Variants in DNAAF1 observed in about 807,000 individuals in gnomAD.
DNAAF1 encodes the protein dynein assembly factor 1, axonemal.
DNAAF1 carries 65 observed loss-of-function variants against 71.1 expected under a neutral mutation model. The observed-to-expected ratio is 0.91, with a 90% confidence interval of 0.75 to 1.12. The LOEUF is 1.12. Ranked by LOEUF, DNAAF1 falls within the 50% of genes most tolerant of loss-of-function variation. The pLI, the probability that DNAAF1 is intolerant of heterozygous loss-of-function variation, is 0.00. For synonymous variants in DNAAF1, 414 were observed against 354.6 expected, an observed-to-expected ratio of 1.17 and a Z score of -1.88; for missense variants, 1,178 against 899.8, an observed-to-expected ratio of 1.31 and a Z score of -3.96.
rs577245767 is a variant in DNAAF1 at position 84,156,562 on chromosome 16, C to A, written c.741+813C>A. On this transcript the variant is annotated intron_variant, in intron 5 of 11. Coordinates refer to ENST00000378553, the MANE Select transcript of DNAAF1 (RefSeq NM_178452.6). ...TTCAGATATTGTCAGCCTGGTCTAG[C>A]CATTATGAAGTTCCCCGTCAGTCCT... Among the ~76,000 whole-genome samples the A allele has an allele frequency of 3.3e-5, 5 of 152,180 alleles. No individual in the cohort carries two copies. In the South Asian group the frequency reaches 1.0e-3, roughly 32 times the overall value.
At chr16:84,157,854 T>C (rs2087513370) in intron 5 of DNAAF1, among the ~76,000 whole-genome samples, 1 of 152,182 alleles carries the variant, frequency 6.6e-6, no homozygotes, top group African/African-American at 2.4e-5. Context: ...TCCCCCCGTT[T>C]GTTCGTTTTT....
At chr16:84,149,610 G>C (rs1193900279) in intron 2 of DNAAF1, among the ~76,000 whole-genome samples, 1 of 147,232 alleles carries the variant, frequency 6.8e-6, no homozygotes, top group African/African-American at 2.5e-5. Context: ...AGGATCGCTT[G>C]AACCCGGGAG....
Position 84,169,868 on chromosome 16 carries a change from C to G in DNAAF1, c.1040C>G (p.Thr347Arg), listed in dbSNP as rs771177373. Reference sequence around the variant, plus strand: ...CATTTTCTGCCATTAGGGGAGATGACATCTTCAGATGATGGTGAGAATGTG... The same window carrying G: ...CATTTTCTGCCATTAGGGGAGATGAGATCTTCAGATGATGGTGAGAATGTG... ...QRESQERGEMTSSDDGENVPA... is the reference protein window; with the variant it reads ...QRESQERGEMRSSDDGENVPA... Residue 347 changes from threonine to arginine, a missense_variant, in exon 8 of 12, where the codon ACA (threonine) becomes AGA (arginine). Thr to Arg is a moderately conservative substitution (Grantham distance 71). Transcript: ENST00000378553. 2.0e-5 allele frequency: 32 copies of G among 1,613,704 alleles called. No individual in the cohort carries two copies. The South Asian group carries it at 3.0e-4, about 15-fold the overall frequency.
At chr16:84,154,894 G>GTT in intron 4 of DNAAF1, 96 bp downstream of exon 4, 1 of 1,115,252 alleles carries the variant, frequency 9.0e-7, no homozygotes, top group South Asian at 1.3e-5. Context: ...GCAAGAAGTG[G>GTT]TGTTTTTTTT....
chr16:84,172,320 G>C lies in DNAAF1; in HGVS notation c.1589G>C (p.Arg530Thr), dbSNP rs1415853219. 1.2e-6 allele frequency: 2 copies of C among 1,614,132 alleles called. No individual in the cohort carries two copies. Among genetic ancestry groups the C allele is most frequent in the African/African-American group, 1.3e-5 (1 of 74,946 alleles). The change falls in exon 9 of 12, where the codon AGA becomes ACA. Residue 530 changes from arginine to threonine, a missense_variant. Transcript: ENST00000378553. ...GVFVTELDGT[R>T]TEDLETIRLE... is the part of the protein sequence containing the mutation. ...TTCGTTACAGAACTTGATGGAACGA[G>C]AACGGAAGATTTAGAAACCATTAGA... is the stretch of plus-strand genomic sequence containing the variant.
intron 9 of DNAAF1, chr16:84,173,942 A>T (rs1203230521): frequency 6.5e-6 from 1 of 153,750 alleles, no homozygotes; most frequent in Non-Finnish European, 1.4e-5. Context: ...CAACACTAAT[A>T]GCTAATGTTA....
intron 5 of DNAAF1, among the ~76,000 whole-genome samples, chr16:84,157,989 C>G (rs1032219209): frequency 6.6e-6 from 1 of 152,086 alleles, no homozygotes; most frequent in African/African-American, 2.4e-5. Flanking sequence ...GGGCAGATCA[C>G]GAGGTCGGGA....
intron 10 of DNAAF1, chr16:84,175,577 GGC>G: frequency 3.2e-6 from 1 of 310,456 alleles, no homozygotes; most frequent in Non-Finnish European, 6.2e-6. Context: ...TACTGTGGGG[GGC>G]CTGCTGTCCA....
At chr16:84,163,236 TAATTTTTGAGGAGACACC>T (rs2151244862) in intron 6 of DNAAF1, among the ~76,000 whole-genome samples, 1 of 152,274 alleles carries the variant, frequency 6.6e-6, no homozygotes, top group Admixed American at 6.5e-5. Context: ...ACTTTACATT[TAATTTTTGAGGAGACACC>T]ACATGGTTTT....
intron 3 of DNAAF1, among the ~76,000 whole-genome samples, chr16:84,150,852 G>A (rs1216999104): frequency 6.6e-6 from 1 of 152,106 alleles, no homozygotes. Context: ...GAACCCAGTC[G>A]ATCCAGCTGC....
chr16:84,145,687 G>A, intron 1 of DNAAF1, 123 bp downstream of exon 1: 1 of 1,258,820 alleles, frequency 7.9e-7, no homozygotes, highest in Non-Finnish European at 1.1e-6. Flanking sequence ...AATAATGGTA[G>A]CAAGCAACGC....
At chr16:84,174,197 C>T (rs548874523) in intron 9 of DNAAF1, 4 of 1,009,564 alleles carry the variant, frequency 4.0e-6, no homozygotes, top group Admixed American at 5.3e-5. Flanking sequence ...TGCTGCCTCC[C>T]CAACCACGCA....
At chr16:84,150,396 C>T (rs554308051) in intron 3 of DNAAF1, 54 bp downstream of exon 3, 6 of 1,413,568 alleles carry the variant, frequency 4.2e-6, no homozygotes, top group South Asian at 2.3e-5. Flanking sequence ...TTCTGTCTAG[C>T]GGTATAAAAA....
At position 84,148,582 on chromosome 16, in the gene DNAAF1, T is replaced by TTC. The variant is rs1287215005; in HGVS notation, c.125-411_125-410dup. Reference sequence around the variant, plus strand: ...ATTGTTACACATTTAAAGATTACTGTTCTCTCTCTCTCTCTTTTTTTTTTT... The same window carrying TTC: ...ATTGTTACACATTTAAAGATTACTGTTCTCTCTCTCTCTCTCTTTTTTTTTTT... On this transcript the variant is annotated intron_variant, in intron 1 of 11. Coordinates refer to ENST00000378553, the MANE Select transcript of DNAAF1 (RefSeq NM_178452.6). Among the ~76,000 whole-genome samples the TTC allele has an allele frequency of 4.3e-3, 504 of 117,322 alleles. 4 individuals are homozygous for TTC. The highest frequency in any genetic ancestry group is 7.9e-3 in the Middle Eastern group (2 of 252). 77.0% of individuals were successfully genotyped at this position (117,322 alleles called of 152,430 possible).
At chr16:84,149,413 C>T (rs1183401641) in intron 2 of DNAAF1, among the ~76,000 whole-genome samples, 4 of 152,022 alleles carry the variant, frequency 2.6e-5, no homozygotes, top group Admixed American at 1.3e-4. Flanking sequence ...ATTTTTAGGC[C>T]GGGCGCAGTG....
At position 84,176,221 on chromosome 16, in the gene DNAAF1, C is replaced by G. The variant is rs778210012; in HGVS notation, c.1987C>G (p.Pro663Ala). The change falls in exon 11 of 12, where the codon CCC (proline) becomes GCC (alanine). Residue 663 changes from proline to alanine, a missense_variant. Transcript: ENST00000378553. ...EDPSGQLLMP[P>A]TCQRDAAPLT... is the part of the protein sequence containing the mutation. ...CCCCTCTGGCCAGCTACTGATGCCC[C>G]CCACCTGCCAAAGAGATGCTGCACC... 18 of 1,613,624 alleles carry G rather than the reference C, an allele frequency of 1.1e-5. No homozygotes were observed. The highest frequency in any genetic ancestry group is 1.4e-5 in the Non-Finnish European group (17 of 1,180,042).
chr16:84,174,849 T>G, intron 10 of DNAAF1, 127 bp downstream of exon 10: 1 of 1,214,678 alleles, frequency 8.2e-7, no homozygotes, highest in Non-Finnish European at 1.2e-6. Flanking sequence ...AATTCCCCCA[T>G]ATTCTTTTTC....
chr16:84,167,786 C>T (rs572029336), intron 7 of DNAAF1, among the ~76,000 whole-genome samples: 5 of 152,190 alleles, frequency 3.3e-5, no homozygotes, highest in South Asian at 2.1e-4. Context: ...GAGGCTGAGG[C>T]GGGTGGATCA....
chr16:84,166,370 CTTT>C (rs535417461), intron 7 of DNAAF1, among the ~76,000 whole-genome samples: 111 of 118,822 alleles, frequency 9.3e-4, no homozygotes, highest in African/African-American at 3.4e-3. Flanking sequence ...TTCTTTTTTT[CTTT>C]TTTTTTTTTT....
Sources: allele counts gnomAD v4.1 joint callset (sites outside exome capture counted in the v4.1 genomes callset), GRCh38; gene constraint gnomAD v4.1.1; transcripts MANE v1.5; gene names NCBI Gene and HGNC (gene_info 2026-07-23, HGNC 2026-07-21).